Variants in MBP observed in about 807,000 individuals in gnomAD.
The protein encoded by MBP is Golli-MBP.
MBP carries 16 observed loss-of-function variants against 35.8 expected under a neutral mutation model. The observed-to-expected ratio is 0.45, with a 90% CI of 0.30 to 0.68. The LOEUF is 0.68. MBP is among the 30% of genes least tolerant of loss of function. The pLI is 0.08. For synonymous variants in MBP, 143 were observed against 159.6 expected (o/e 0.90, Z 0.78); for missense variants, 380 against 404.7 (o/e 0.94, Z 0.52).
In MBP at chr18:76,979,630, G is replaced by T; in HGVS notation, c.*797C>A. On this transcript the variant is annotated 3_prime_UTR_variant, in exon 9 of 9. Transcript: ENST00000355994. Reference sequence around the variant, plus strand: ...ATAGAGGCTGCTCTGGGGCCACCATGCAGGGCAACGGTGACGTCCAGAGGC... The same window carrying T: ...ATAGAGGCTGCTCTGGGGCCACCATTCAGGGCAACGGTGACGTCCAGAGGC... 1 of 364,252 alleles carries T rather than the reference G, an allele frequency of 2.7e-6. No homozygotes were observed. The highest frequency in any genetic ancestry group is 2.1e-5 in the African/African-American group (1 of 47,984). The allele number at this position is 364,252 out of a possible 1,614,324, so 22.6% of individuals were successfully genotyped here.
At chr18:77,037,481 T>C (rs80244621) in intron 3 of MBP, among the ~76,000 whole-genome samples, 2,674 of 152,262 alleles carry the variant, frequency 0.018, 59 homozygotes, top group East Asian at 0.099. Flanking sequence ...GGGGCTGTTT[T>C]TAGGGCATTC....
intron 3 of MBP, among the ~76,000 whole-genome samples, chr18:77,034,961 G>A (rs975060726): frequency 6.6e-6 from 1 of 152,224 alleles, no homozygotes; most frequent in African/African-American, 2.4e-5. Context: ...AAAAAGCACT[G>A]CTCCGTGGCT....
Position 77,020,366 on chromosome 18 carries a change from A to G in MBP, c.140-3098T>C, listed in dbSNP as rs1971942588. On this transcript the variant is annotated intron_variant, in intron 3 of 8. Coordinates refer to ENST00000355994, the MANE Select transcript of MBP (RefSeq NM_001025101.2). This position sits in a 1 kb window ranked among gnomAD's most constrained non-coding sequence, Gnocchi z 4.1. ...GCGACCAAGAGTGAGCAGTGGACAG[A>G]TATTCTTCTACGTCGGTTTCCACAA... Among the ~76,000 whole-genome samples, 1 of 152,140 alleles carries G rather than the reference A, an allele frequency of 6.6e-6. No homozygotes were observed. The highest frequency in any genetic ancestry group is 2.4e-5 in the African/African-American group (1 of 41,430).
In MBP at chr18:77,029,079, T is replaced by C. The variant is rs1318498847; in HGVS notation, c.140-11811A>G. 5.1e-4 allele frequency among the ~76,000 whole-genome samples: 51 copies of C among 100,362 alleles called. 17 individuals are homozygous for C. In the Middle Eastern group the frequency reaches 0.022, roughly 44 times the overall value. 65.8% of individuals were successfully genotyped at this position (100,362 alleles called of 152,430 possible). A position where few individuals can be genotyped will look rare whatever the true frequency, so the allele number is the denominator to read the frequency against. ...GCAGGCGGCTGGGAGGTGGAGGTTG[T>C]AGCGAGCCGAGATCTCGCCACTGCA... On this transcript the variant is annotated intron_variant, in intron 3 of 8. Transcript: ENST00000355994.
At chr18:76,986,944 G>C (rs1460526801) in intron 7 of MBP, 32 of 985,326 alleles carry the variant, frequency 3.2e-5, no homozygotes, top group Non-Finnish European at 3.9e-5. Flanking sequence ...AGAAAGTGGG[G>C]GCTCTCTGGA....
intron 1 of MBP, among the ~76,000 whole-genome samples, chr18:77,112,169 G>GCGCGCGCGCACACACACACACACACA (rs370587502): frequency 8.6e-5 from 13 of 150,994 alleles, no homozygotes; most frequent in African/African-American, 2.7e-4. Context: ...CCGTGCACAC[G>GCGCGCGCGCACACACACACACACACA]CACACACACA....
At chr18:77,125,811 A>G (rs1208061747) in intron 1 of MBP, among the ~76,000 whole-genome samples, 1 of 152,038 alleles carries the variant, frequency 6.6e-6, no homozygotes, top group Admixed American at 6.6e-5. Context: ...GCTGAGAGGG[A>G]ATTCATACCC....
At chr18:77,066,178 G>A (rs1974190864) in intron 3 of MBP, 120 bp downstream of exon 3, 2 of 706,210 alleles carry the variant, frequency 2.8e-6, no homozygotes, top group African/African-American at 1.8e-5. Flanking sequence ...TTTTAGTAAT[G>A]AGTACAGACA....
intron 3 of MBP, among the ~76,000 whole-genome samples, chr18:77,060,747 G>A (rs568568040): frequency 4.6e-5 from 7 of 152,234 alleles, no homozygotes; most frequent in East Asian, 3.9e-4. Context: ...CATCATACCC[G>A]GCCAAATTGT....
chr18:77,067,915 T>C lies in MBP; in HGVS notation c.52-1530A>G, dbSNP rs2081796152. On this transcript the variant is annotated intron_variant, in intron 2 of 8. Coordinates refer to ENST00000355994, the MANE Select transcript of MBP (RefSeq NM_001025101.2). ...TGACTCACTTATGTACTGCAGGCTG[T>C]TTGTTCCTGGAGAGAAGTCCAGCCC... is the stretch of plus-strand genomic sequence containing the variant. The C allele has an allele frequency of 1.1e-5, 5 of 465,706 alleles. No individual in the cohort carries two copies. In the Admixed American group the frequency reaches 1.2e-4, roughly 11 times the overall value. 28.8% of individuals were successfully genotyped at this position (465,706 alleles called of 1,614,324 possible).
rs193177998 is a variant in MBP at position 77,132,341 on chromosome 18, G to A, written c.-26+239C>T. ...CGGCGACTTGGGTTCGGGTCAGGGA[G>A]GCCGCCGGCTGCTACCTGCTCGGCC... On this transcript the variant is annotated intron_variant, in intron 1 of 8. Coordinates refer to ENST00000355994, the MANE Select transcript of MBP (RefSeq NM_001025101.2). Among the ~76,000 whole-genome samples the A allele has an allele frequency of 9.5e-3, 1,454 of 152,300 alleles. 42 individuals are homozygous for A. Among genetic ancestry groups the A allele is most frequent in the South Asian group, 0.08 (385 of 4,832 alleles).
At chr18:77,095,052 C>A (rs1975702603) in intron 2 of MBP, among the ~76,000 whole-genome samples, 1 of 152,146 alleles carries the variant, frequency 6.6e-6, no homozygotes, top group Non-Finnish European at 1.5e-5. Context: ...CATTTTAATG[C>A]ACTTCTGCCT....
At position 76,989,963 on chromosome 18, in the gene MBP, T is replaced by C; in HGVS notation, c.674A>G (p.Lys225Arg). The C allele has an allele frequency of 6.2e-6, 10 of 1,611,538 alleles. No homozygotes were observed. The highest frequency in any genetic ancestry group is 8.5e-6 in the Non-Finnish European group (10 of 1,179,210). The change falls in exon 5 of 9, where the codon AAG becomes AGG. Residue 225 changes from lysine (K) to arginine (R), a missense_variant. Coordinates refer to ENST00000355994, the MANE Select transcript of MBP (RefSeq NM_001025101.2). This position sits in a 1 kb window ranked among gnomAD's most constrained non-coding sequence, Gnocchi z 4.0. ...CCATCGATCGTCACTTACAATGTTC[T>C]TGAAGAAGTGGACTACGGGGTTTTC... is the stretch of plus-strand genomic sequence containing the variant. ...QDENPVVHFF[K>R]NIVTPRTPPP...
chr18:77,091,436 T>C (rs1350514414), intron 2 of MBP, among the ~76,000 whole-genome samples: 1 of 152,174 alleles, frequency 6.6e-6, no homozygotes, highest in African/African-American at 2.4e-5. Context: ...CATTTTAAAA[T>C]ATGATAATTA....
intron 3 of MBP, among the ~76,000 whole-genome samples, chr18:77,063,366 C>T (rs184164875): frequency 1.2e-4 from 18 of 152,262 alleles, no homozygotes; most frequent in African/African-American, 3.9e-4. Context: ...CTAAATAATG[C>T]GTGCAGAGGC....
intron 2 of MBP, among the ~76,000 whole-genome samples, chr18:77,104,906 GTC>G (rs1168646170): frequency 6.6e-6 from 1 of 151,928 alleles, no homozygotes; most frequent in Non-Finnish European, 1.5e-5. Context: ...TCTTCTCCGT[GTC>G]TCTTTTTTCC....
intron 4 of MBP, chr18:76,990,847 C>A: frequency 3.7e-6 from 1 of 269,432 alleles, no homozygotes; most frequent in Non-Finnish European, 7.6e-6. Flanking sequence ...TACGGGCTGG[C>A]AGCAGCGGGT....
chr18:76,997,970 C>T (rs1040160462), intron 4 of MBP, among the ~76,000 whole-genome samples: 34 of 152,330 alleles, frequency 2.2e-4, no homozygotes, highest in African/African-American at 7.5e-4. Context: ...GCGTGAGCCA[C>T]CACGCCCGGC....
Position 76,988,932 on chromosome 18 carries a change from C to G in MBP, c.682-20G>C. Reference sequence around the variant, plus strand: ...CGTCACCTGGAAAGACACAGAGAACCGTGGGCTGCACTGGGAGCCCTGTGC... The same window carrying G: ...CGTCACCTGGAAAGACACAGAGAACGGTGGGCTGCACTGGGAGCCCTGTGC... On this transcript the variant is annotated intron_variant, in intron 5 of 8. Transcript: ENST00000355994. This position sits in a 1 kb window ranked among gnomAD's most constrained non-coding sequence, Gnocchi z 5.2. 3 of 1,613,754 alleles carry G rather than the reference C, an allele frequency of 1.9e-6. No homozygotes were observed. Among genetic ancestry groups the G allele is most frequent in the African/African-American group, 1.3e-5 (1 of 75,008 alleles).
Sources: gnomAD v4.1 joint callset for allele counts (sites outside exome capture counted in the v4.1 genomes callset) on GRCh38, gnomAD v4.1.1 for gene constraint, Gnocchi (gnomAD v3.1) non-coding constraint, MANE v1.5 for transcripts, NCBI Gene and HGNC (gene_info 2026-07-23, HGNC 2026-07-21) for gene names.